The following TTLL12 variants were observed in gnomAD, a reference collection of about 807,000 sequenced individuals.
TTLL12 encodes the protein tubulin tyrosine ligase like 12.
A neutral mutation model predicts 79.6 loss-of-function variants in TTLL12; 77 were observed. The observed-to-expected ratio is 0.97, with a 90% CI of 0.81 to 1.17. The LOEUF (loss-of-function observed/expected upper bound fraction) is 1.17. Among genes scored for constraint, TTLL12 ranks in the 50% most tolerant of loss-of-function variants. The pLI is 0.00. For missense variants in TTLL12, 969 were observed against 895.9 expected (o/e 1.08, Z -1.04); for synonymous variants, 437 against 376.1 (o/e 1.16, Z -1.87).
At chr22:43,186,696 A>T (rs2146628724) in intron 1 of TTLL12, among the ~76,000 whole-genome samples, 197 bp downstream of exon 1, 1 of 152,134 alleles carries the variant, frequency 6.6e-6, no homozygotes, top group South Asian at 2.1e-4. Context: ...CGGGCAGATC[A>T]GGGCCGCAGG....
Position 43,171,842 on chromosome 22 carries a change from C to T in TTLL12, c.1552G>A (p.Asp518Asn). The change falls in exon 11 of 14, where the codon GAC becomes AAC. Residue 518 changes from aspartate (D) to asparagine (N), a missense_variant. By Grantham distance (23) the Asp-to-Asn change is conservative (BLOSUM62 1). Transcript: ENST00000216129. ...ACCTGCTTCAGCACCACATCCGGGT[C>T]ATAGTTCATGACCGTGAAGTGCTTC... Reference protein sequence around the residue: ...YEKHFTVMNYDPDVVLKQVHC... With the variant: ...YEKHFTVMNYNPDVVLKQVHC... 1 of 1,614,124 alleles carries T rather than the reference C, an allele frequency of 6.2e-7. No individual in the cohort carries two copies. The highest frequency in any genetic ancestry group is 1.1e-5 in the South Asian group (1 of 91,058).
chr22:43,174,930 T>C (rs1318143987), intron 6 of TTLL12, among the ~76,000 whole-genome samples: 1 of 152,240 alleles, frequency 6.6e-6, no homozygotes, highest in East Asian at 1.9e-4. Flanking sequence ...AGTTCTTTCC[T>C]CTCACATGCA....
intron 10 of TTLL12, 124 bp downstream of exon 10, chr22:43,172,279 G>T: frequency 1.7e-6 from 2 of 1,209,134 alleles, no homozygotes; most frequent in Non-Finnish European, 2.3e-6. Flanking sequence ...CCGCTAGCTG[G>T]GTGAGTGATG....
intron 11 of TTLL12, chr22:43,170,102 G>C (rs1225749488): frequency 5.6e-6 from 2 of 356,042 alleles, no homozygotes; most frequent in Non-Finnish European, 1.1e-5. Context: ...GTTTCTCCCA[G>C]AAAAGAACAA....
Position 43,186,985 on chromosome 22 carries a change from C to A in TTLL12, c.85G>T (p.Ala29Ser). The A allele has an allele frequency of 7.7e-7, 1 of 1,293,120 alleles. No homozygotes were observed. The highest frequency in any genetic ancestry group is 9.8e-7 in the Non-Finnish European group (1 of 1,017,810). 80.1% of individuals were successfully genotyped at this position (1,293,120 alleles called of 1,614,324 possible). A position where few individuals can be genotyped will look rare whatever the true frequency, so the allele number is the denominator to read the frequency against. The change falls in exon 1 of 14, where the codon GCC becomes TCC. Residue 29 changes from alanine (A) to serine (S), a missense_variant. Coordinates refer to ENST00000216129, the MANE Select transcript of TTLL12 (RefSeq NM_015140.4). ...GGGCCGTGCAGCGCCGCGAACTCGG[C>A]CAAGGCCTGCGCGCCCTCCTCCGGC... ...QTPEEGAQAL[A>S]EFAALHGPAL...
intron 2 of TTLL12, among the ~76,000 whole-genome samples, chr22:43,181,913 A>T (rs1292120867): frequency 1.3e-5 from 2 of 150,086 alleles, no homozygotes. Flanking sequence ...GGGCAAGTGC[A>T]ACAAGGGGTG....
intron 11 of TTLL12, chr22:43,170,181 T>G (rs1481340980): frequency 2.9e-6 from 1 of 345,798 alleles, no homozygotes; most frequent in Non-Finnish European, 5.7e-6. Context: ...GGCACAGAGC[T>G]CCAGGAGAGG....
At chr22:43,177,705 C>A (rs1931950834) in intron 5 of TTLL12, among the ~76,000 whole-genome samples, 3 of 152,246 alleles carry the variant, frequency 2.0e-5, no homozygotes, top group African/African-American at 7.2e-5. Flanking sequence ...TGCACATATG[C>A]CATGCAGAAG....
At chr22:43,169,977 G>T in intron 11 of TTLL12, 1 of 423,474 alleles carries the variant, frequency 2.4e-6, no homozygotes, top group Admixed American at 2.5e-5. Flanking sequence ...CTCCGCCGCG[G>T]GACCTGCCTG....
In TTLL12 at chr22:43,170,369, T is replaced by C. The variant is rs1931733433; in HGVS notation, c.1576-801A>G. 1.6e-5 allele frequency: 3 copies of C among 186,806 alleles called. No homozygotes were observed. In the Admixed American group the frequency reaches 1.6e-4, roughly 10 times the overall value. The allele number at this position is 186,806 out of a possible 1,614,324, so 11.6% of individuals were successfully genotyped here. ...CTCGGCCCCTGTGGGGAGTGTGTGC[T>C]GGTATAGTCACCAGTGCATGGCAGG... On this transcript the variant is annotated intron_variant, in intron 11 of 13. Coordinates refer to ENST00000216129, the MANE Select transcript of TTLL12 (RefSeq NM_015140.4).
chr22:43,175,525 A>C (rs1254616526), intron 6 of TTLL12: 2 of 152,254 alleles, frequency 1.3e-5, no homozygotes, highest in Non-Finnish European at 1.5e-5. Flanking sequence ...CATGACATGC[A>C]AGGTTGGTAA....
intron 5 of TTLL12, among the ~76,000 whole-genome samples, chr22:43,177,109 C>T (rs1931935214): frequency 6.6e-6 from 1 of 152,116 alleles, no homozygotes; most frequent in African/African-American, 2.4e-5. Flanking sequence ...TGGCTCAAGC[C>T]AGTAATCCCT....
chr22:43,179,678 G>C lies in TTLL12; in HGVS notation c.781C>G (p.Pro261Ala). ...GAGCTGAGGTCCAGCATGTCGGTGG[G>C]GGCCCAGGGCAGCAGCATGCACTTC... ...IRKCMLLPWA[P>A]TDMLDLSSCT... Residue 261 changes from proline (P) to alanine (A), a missense_variant, in exon 5 of 14, where the codon CCC becomes GCC. By Grantham distance (27) the Pro-to-Ala change is conservative (BLOSUM62 -1). Transcript: ENST00000216129. The C allele has an allele frequency of 6.3e-7, 1 of 1,576,624 alleles. No individual in the cohort carries two copies. The highest frequency in any genetic ancestry group is 8.6e-7 in the Non-Finnish European group (1 of 1,163,056).
intron 1 of TTLL12, 84 bp downstream of exon 1, chr22:43,186,809 G>A (rs1037824233): frequency 1.3e-5 from 15 of 1,179,598 alleles, no homozygotes; most frequent in African/African-American, 1.6e-5. Context: ...CGCCGCCCGG[G>A]AGCGCTCTTC....
At position 43,181,082 on chromosome 22, in the gene TTLL12, A is replaced by C. The variant is rs558773749; in HGVS notation, c.348-142T>G. 137 of 949,566 alleles carry C rather than the reference A, an allele frequency of 1.4e-4. No individual in the cohort carries two copies. The South Asian group carries it at 2.2e-3, about 15-fold the overall frequency. 58.8% of individuals were successfully genotyped at this position (949,566 alleles called of 1,614,324 possible). ...TCTACTGGGTGCCATAGTTATGCCT[A>C]GTTTTGGACTCCAGTGGGCCTGGGT... On this transcript the variant is annotated intron_variant, in intron 2 of 13. Transcript: ENST00000216129.
intron 6 of TTLL12, among the ~76,000 whole-genome samples, chr22:43,175,853 T>C (rs1931893448): frequency 6.7e-6 from 1 of 149,674 alleles, no homozygotes; most frequent in African/African-American, 2.5e-5. Flanking sequence ...TTTTTTTTTT[T>C]TTTTTTGTAT....
Position 43,167,207 on chromosome 22 carries a change from C to T in TTLL12, c.*801G>A, listed in dbSNP as rs556478843. ...CAATCAGCCCCAGCCCCAGGCGCCC[C>T]TTGCCGAAGGATCCTGGCCCATCTC... On this transcript the variant is annotated 3_prime_UTR_variant, in exon 14 of 14. Coordinates refer to ENST00000216129, the MANE Select transcript of TTLL12 (RefSeq NM_015140.4). The T allele has an allele frequency of 4.3e-5, 23 of 532,032 alleles. No individual in the cohort carries two copies. The highest frequency in any genetic ancestry group is 3.1e-4 in the South Asian group (22 of 71,270). The allele number at this position is 532,032 out of a possible 1,614,324, so 33.0% of individuals were successfully genotyped here.
rs753447234 is a variant in TTLL12, at chr22:43,175,839, ATT to A, written c.917+479_917+480del. 6.5e-3 allele frequency among the ~76,000 whole-genome samples: 840 copies of A among 128,340 alleles called. 5 individuals are homozygous for A. The highest frequency in any genetic ancestry group is 0.052 in the Middle Eastern group (13 of 248). 84.2% of individuals were successfully genotyped at this position (128,340 alleles called of 152,430 possible). A position where few individuals can be genotyped will look rare whatever the true frequency, so the allele number is the denominator to read the frequency against. ...AGGCGCCAGCCACCATGCCCTACTAATTTTTTTTTTTTTTTTTTTTGTATTTT... is the reference window on the plus strand; with the variant it reads ...AGGCGCCAGCCACCATGCCCTACTAATTTTTTTTTTTTTTTTTTGTATTTT... On this transcript the variant is annotated intron_variant, in intron 6 of 13. Coordinates refer to ENST00000216129, the MANE Select transcript of TTLL12 (RefSeq NM_015140.4).
At chr22:43,184,388 T>C (rs1028680663) in intron 1 of TTLL12, among the ~76,000 whole-genome samples, 2 of 152,206 alleles carry the variant, frequency 1.3e-5, no homozygotes, top group African/African-American at 4.8e-5. Context: ...GAGTATCAGG[T>C]AAATTGCTCT....
Sources: gnomAD v4.1 joint callset for allele counts (sites outside exome capture counted in the v4.1 genomes callset) on GRCh38, gnomAD v4.1.1 for gene constraint, MANE v1.5 for transcripts, NCBI Gene and HGNC (gene_info 2026-07-23, HGNC 2026-07-21) for gene names.